Variants in ICE1 observed in about 807,000 individuals in gnomAD.
ICE1 encodes little elongation complex subunit 1.
A neutral mutation model predicts 192.7 loss-of-function variants in ICE1; 64 were observed. The ratio of observed to expected loss-of-function variants is 0.33; its 90% CI spans 0.27 to 0.41. The LOEUF (loss-of-function observed/expected upper bound fraction) is 0.41. Among genes scored for constraint, ICE1 ranks in the 10% least tolerant of loss-of-function variants. The pLI, the probability that ICE1 is intolerant of heterozygous loss-of-function variation, is 1.00. For missense variants in ICE1, 2,708 were observed against 2,696.0 expected (o/e 1.00, Z -0.10); for synonymous variants, 1,010 against 984.5 (o/e 1.03, Z -0.49).
At chr5:5,467,055 C>G (rs1017464763) in intron 14 of ICE1, among the ~76,000 whole-genome samples, 1 of 152,154 alleles carries the variant, frequency 6.6e-6, no homozygotes, top group African/African-American at 2.4e-5. Flanking sequence ...AACCTAGTAT[C>G]GTATCAGTCT....
chr5:5,467,578 T>C (rs569659132), intron 14 of ICE1, among the ~76,000 whole-genome samples: 1 of 152,344 alleles, frequency 6.6e-6, no homozygotes, highest in South Asian at 2.1e-4. Flanking sequence ...TTACCACTTC[T>C]TAAAGATTAA....
chr5:5,481,979 A>T (rs987617968), intron 17 of ICE1, among the ~76,000 whole-genome samples: 35 of 152,210 alleles, frequency 2.3e-4, no homozygotes, highest in Admixed American at 2.3e-3. Context: ...ATTTCTTAAA[A>T]TGTGGTCTCC....
chr5:5,480,678 C>T (rs563648435), intron 17 of ICE1, among the ~76,000 whole-genome samples: 2 of 152,300 alleles, frequency 1.3e-5, no homozygotes, highest in African/African-American at 2.4e-5. Context: ...ACTGTATCGG[C>T]AAATTTGCAT....
chr5:5,457,627 T>C lies in ICE1; in HGVS notation c.987T>C (p.Asp329=), dbSNP rs751302794. 6.2e-7 allele frequency: 1 copy of C among 1,613,960 alleles called. No individual in the cohort carries two copies. Among genetic ancestry groups the C allele is most frequent in the Non-Finnish European group, 8.5e-7 (1 of 1,179,878 alleles). ...FVDHDHFFDE[D]LQAAIDFFKL... ...ATCATGATCATTTTTTTGATGAAGA[T>C]CTTCAAGCTGCAATTGACTTCTTCA... The change falls in exon 12 of 19, where the codon GAT becomes GAC. Residue 329 remains aspartate, a synonymous_variant. Transcript: ENST00000296564.
At chr5:5,455,872 C>T (rs76614089) in intron 11 of ICE1, among the ~76,000 whole-genome samples, 2,582 of 152,238 alleles carry the variant, frequency 0.017, 69 homozygotes, top group African/African-American at 0.059. Flanking sequence ...CCCAGGAATC[C>T]TCCTTTCTTT....
At chr5:5,456,060 C>T (rs978580087) in intron 11 of ICE1, among the ~76,000 whole-genome samples, 1 of 152,058 alleles carries the variant, frequency 6.6e-6, no homozygotes, top group African/African-American at 2.4e-5. Flanking sequence ...GATGTTTTCT[C>T]ATGTCAGATT....
Position 5,422,771 on chromosome 5 carries a change from G to T in ICE1, c.-145G>T. ...GAGAGCCTTTTGCTAGCCCCACGGG[G>T]ACCTCTGTGCACGGATGGACCCGCC... On this transcript the variant is annotated 5_prime_UTR_variant, in exon 1 of 19. Transcript: ENST00000296564. The T allele has an allele frequency of 2.4e-6, 1 of 418,788 alleles. No individual in the cohort carries two copies. The highest frequency in any genetic ancestry group is 4.6e-5 in the Admixed American group (1 of 21,712). The allele number at this position is 418,788 out of a possible 1,614,324, so 25.9% of individuals were successfully genotyped here.
chr5:5,455,618 A>T (rs1738561017), intron 11 of ICE1, among the ~76,000 whole-genome samples: 1 of 152,208 alleles, frequency 6.6e-6, no homozygotes, highest in Non-Finnish European at 1.5e-5. Context: ...GGGTAAATAT[A>T]TTACGTTAAT....
At chr5:5,446,646 C>T (rs1443362250) in intron 7 of ICE1, among the ~76,000 whole-genome samples, 1 of 152,050 alleles carries the variant, frequency 6.6e-6, no homozygotes, top group Non-Finnish European at 1.5e-5. Context: ...AACAGACTTT[C>T]TGTGAAGCAA....
rs758063358 is a variant in ICE1, at chr5:5,462,936, C to A, written c.3602C>A (p.Thr1201Asn). 6.2e-7 allele frequency: 1 copy of A among 1,610,568 alleles called. No individual in the cohort carries two copies. The highest frequency in any genetic ancestry group is 2.2e-5 in the East Asian group (1 of 44,820). ...DSVSECSSKG[T>N]LSKEMNKELK... Reference sequence around the variant, plus strand: ...GTTTCTGAATGTTCTAGTAAAGGAACCCTAAGTAAAGAAATGAACAAAGAA... The same window carrying A: ...GTTTCTGAATGTTCTAGTAAAGGAAACCTAAGTAAAGAAATGAACAAAGAA... The change falls in exon 13 of 19, where the codon ACC (threonine) becomes AAC (asparagine). Residue 1201 changes from threonine to asparagine, a missense_variant. Transcript: ENST00000296564.
At position 5,447,445 on chromosome 5, in the gene ICE1, C is replaced by G. The variant is rs1738264620; in HGVS notation, c.443C>G (p.Thr148Ser). The G allele has an allele frequency of 6.4e-7, 1 of 1,552,440 alleles. No individual in the cohort carries two copies. The highest frequency in any genetic ancestry group is 1.4e-5 in the African/African-American group (1 of 73,044). The change falls in exon 8 of 19, where the codon ACT becomes AGT. Residue 148 changes from threonine (T) to serine (S), a missense_variant. Thr to Ser is a moderately conservative substitution (Grantham distance 58, BLOSUM62 1). This residue lies in a region of ICE1 where 2,366 missense variants were observed against 2,276.6 expected (regional missense o/e 1.04). Coordinates refer to ENST00000296564, the MANE Select transcript of ICE1 (RefSeq NM_015325.3). ...KKLQEAAVKQ[T>S]QDFKQLRNEK... ...CTTAAAGAGGCTGCTGTCAAGCAAA[C>G]TCAGGACTTCAAGCAACTGAGAAAT... is the stretch of plus-strand genomic sequence containing the variant.
intron 10 of ICE1, among the ~76,000 whole-genome samples, chr5:5,448,807 T>G (rs1738327020): frequency 6.6e-6 from 1 of 152,224 alleles, no homozygotes; most frequent in Admixed American, 6.5e-5. Flanking sequence ...TGTAAGGCTT[T>G]AACAGTTCCC....
intron 14 of ICE1, among the ~76,000 whole-genome samples, chr5:5,468,324 T>C (rs568267322): frequency 6.6e-6 from 1 of 152,348 alleles, no homozygotes; most frequent in African/African-American, 2.4e-5. Flanking sequence ...GGTGGTGGTT[T>C]CGTGGATTTA....
At chr5:5,437,557 A>G (rs1356572551) in intron 3 of ICE1, 2 of 161,988 alleles carry the variant, frequency 1.2e-5, no homozygotes, top group East Asian at 1.8e-4. Flanking sequence ...ATGTGTGTGT[A>G]TATATATATC....
intron 1 of ICE1, among the ~76,000 whole-genome samples, chr5:5,423,961 A>G (rs537961515): frequency 7.8e-4 from 119 of 152,236 alleles, no homozygotes; most frequent in African/African-American, 2.7e-3. Context: ...TCTCTTAGCT[A>G]GAGTAGTCAG....
chr5:5,441,852 A>G (rs1738063022), intron 5 of ICE1, among the ~76,000 whole-genome samples: 1 of 152,174 alleles, frequency 6.6e-6, no homozygotes, highest in African/African-American at 2.4e-5. Flanking sequence ...GCAGTCATGT[A>G]TAGTCTCTTG....
chr5:5,457,803 T>C, intron 12 of ICE1, 62 bp downstream of exon 12: 2 of 1,432,434 alleles, frequency 1.4e-6, no homozygotes, highest in Non-Finnish European at 1.9e-6. Flanking sequence ...TAATATGTCC[T>C]TGATGCTCAA....
intron 10 of ICE1, among the ~76,000 whole-genome samples, chr5:5,454,343 A>G (rs1268587402): frequency 2.6e-5 from 4 of 152,176 alleles, no homozygotes; most frequent in Non-Finnish European, 4.4e-5. Context: ...AAAAGCAAAC[A>G]AAAGTACCTT....
At chr5:5,476,271 C>T (rs562124268) in intron 17 of ICE1, among the ~76,000 whole-genome samples, 192 bp downstream of exon 17, 49 of 152,106 alleles carry the variant, frequency 3.2e-4, no homozygotes, top group Non-Finnish European at 6.3e-4. Flanking sequence ...TCATCTTTTT[C>T]AGAGATTAAG....
Sources: gnomAD v4.1 joint callset for allele counts (sites outside exome capture counted in the v4.1 genomes callset) on GRCh38, gnomAD v4.1.1 for gene constraint, gnomAD v4.1.1 regional missense constraint, MANE v1.5 for transcripts, NCBI Gene and HGNC (gene_info 2026-07-23, HGNC 2026-07-21) for gene names.